Variants in HTR2C observed in about 807,000 individuals in gnomAD.
HTR2C encodes 5-hydroxytryptamine (serotonin) receptor 2C, G protein-coupled.
A neutral mutation model predicts 21.0 loss-of-function variants in HTR2C; 5 were observed. That is an observed-to-expected ratio of 0.24 (90% CI 0.12 to 0.50). The LOEUF (loss-of-function observed/expected upper bound fraction) is 0.50, where lower values mean the gene tolerates loss of function less well. Ranked by LOEUF, HTR2C falls within the 20% of genes least tolerant of loss-of-function variation. HTR2C has a pLI of 0.98. For missense variants in HTR2C, 271 were observed against 371.2 expected (o/e 0.73, Z 2.22); for synonymous variants, 150 against 145.3 (o/e 1.03, Z -0.23).
chrX:114,855,236 A>G (rs1454668317), intron 5 of HTR2C, among the ~76,000 whole-genome samples: 1 of 111,498 alleles, frequency 9.0e-6, no homozygotes, highest in Non-Finnish European at 1.9e-5. Context: ...ATTAAAATCC[A>G]CTAATGTATC....
chrX:114,902,294 A>T (rs1556485454), intron 5 of HTR2C, among the ~76,000 whole-genome samples: 1 of 111,549 alleles, frequency 9.0e-6, no homozygotes, highest in Non-Finnish European at 1.9e-5. Flanking sequence ...ACTCTCTAGC[A>T]CTTAAATAAC....
intron 2 of HTR2C, among the ~76,000 whole-genome samples, chrX:114,629,865 G>C (rs77445353): frequency 1.8e-5 from 2 of 110,961 alleles, no homozygotes; most frequent in Non-Finnish European, 3.8e-5. Context: ...AGTCAAGGGG[G>C]TATAGAGAAA....
At chrX:114,726,158 A>G (rs1176666499) in intron 2 of HTR2C, among the ~76,000 whole-genome samples, 4 of 112,292 alleles carry the variant, frequency 3.6e-5, no homozygotes, top group Non-Finnish European at 7.5e-5. Flanking sequence ...TGTGCTAGCA[A>G]TCAGTGAGAC....
intron 4 of HTR2C, among the ~76,000 whole-genome samples, chrX:114,745,402 C>T (rs1288586778): frequency 1.8e-5 from 2 of 111,580 alleles, no homozygotes; most frequent in Non-Finnish European, 3.8e-5. Context: ...GGAGGTTCCT[C>T]GATAAACTAA....
intron 5 of HTR2C, among the ~76,000 whole-genome samples, chrX:114,868,389 G>C (rs2071063744): frequency 9.1e-6 from 1 of 110,162 alleles, no homozygotes; most frequent in South Asian, 3.9e-4. Flanking sequence ...AAACATTGTG[G>C]ATGTCCCTTT....
intron 2 of HTR2C, among the ~76,000 whole-genome samples, chrX:114,726,268 A>G (rs781953919): frequency 8.9e-6 from 1 of 112,230 alleles, no homozygotes; most frequent in African/African-American, 3.2e-5. Flanking sequence ...GGTGGGAGTG[A>G]CCCGATTTTC....
At chrX:114,708,435 C>A (rs1286226645) in intron 2 of HTR2C, among the ~76,000 whole-genome samples, 5 of 111,747 alleles carry the variant, frequency 4.5e-5, no homozygotes. Context: ...CAATTAAAGT[C>A]AACTTATTCC....
intron 2 of HTR2C, among the ~76,000 whole-genome samples, chrX:114,636,226 A>G (rs1339962402): frequency 9.0e-6 from 1 of 110,832 alleles, no homozygotes; most frequent in Non-Finnish European, 1.9e-5. Flanking sequence ...AACAGCAAGG[A>G]ACTCTAGCAA....
intron 4 of HTR2C, among the ~76,000 whole-genome samples, chrX:114,743,640 A>G (rs1271570977): frequency 1.8e-5 from 2 of 111,475 alleles, no homozygotes; most frequent in African/African-American, 6.5e-5. Context: ...ATTACAGAAA[A>G]TTTGTGCCAT....
intron 4 of HTR2C, among the ~76,000 whole-genome samples, chrX:114,746,337 T>A (rs2069703703): frequency 9.0e-6 from 1 of 111,597 alleles, no homozygotes; most frequent in Non-Finnish European, 1.9e-5. Flanking sequence ...ATCAATTGCT[T>A]CATTAATATA....
At chrX:114,887,600 A>G (rs782428073) in intron 5 of HTR2C, among the ~76,000 whole-genome samples, 2 of 111,345 alleles carry the variant, frequency 1.8e-5, no homozygotes, top group Admixed American at 1.9e-4. Flanking sequence ...GAATGTGCTT[A>G]TGTTGCTTTT....
At chrX:114,677,427 GT>G (rs376118384) in intron 2 of HTR2C, among the ~76,000 whole-genome samples, 387 of 107,709 alleles carry the variant, frequency 3.6e-3, no homozygotes, top group African/African-American at 0.012. Context: ...TGAAATATTA[GT>G]TTTTTTTTTC....
At chrX:114,826,996 T>A (rs1206519510) in intron 4 of HTR2C, among the ~76,000 whole-genome samples, 1 of 60,639 alleles carries the variant, frequency 1.6e-5, no homozygotes, top group East Asian at 8.3e-4. Flanking sequence ...TTTTACTATA[T>A]TTCTTTGTAC....
intron 4 of HTR2C, among the ~76,000 whole-genome samples, chrX:114,825,583 C>T (rs2070671307): frequency 9.0e-6 from 1 of 111,373 alleles, no homozygotes; most frequent in Admixed American, 9.6e-5. Flanking sequence ...AGAATGTGTA[C>T]TTTCCTGTTG....
At chrX:114,733,067 G>T (rs1336098395) in intron 4 of HTR2C, among the ~76,000 whole-genome samples, 1 of 111,421 alleles carries the variant, frequency 9.0e-6, no homozygotes, top group Non-Finnish European at 1.9e-5. Flanking sequence ...AAGATAGCAT[G>T]AAATAAACTA....
At chrX:114,755,979 T>G (rs2069809059) in intron 4 of HTR2C, among the ~76,000 whole-genome samples, 1 of 108,564 alleles carries the variant, frequency 9.2e-6, no homozygotes, top group Admixed American at 1.0e-4. Context: ...AATGTGGGGG[T>G]GTGTGCCTGT....
intron 4 of HTR2C, among the ~76,000 whole-genome samples, chrX:114,744,788 G>C (rs2069686388): frequency 9.0e-6 from 1 of 111,618 alleles, no homozygotes; most frequent in Non-Finnish European, 1.9e-5. Flanking sequence ...TAATGAAATT[G>C]ACAAACTGCC....
At chrX:114,862,009 G>T (rs1483576000) in intron 5 of HTR2C, among the ~76,000 whole-genome samples, 1 of 109,757 alleles carries the variant, frequency 9.1e-6, no homozygotes, top group Non-Finnish European at 1.9e-5. Context: ...ATTTATTTTT[G>T]CTTTTGTAGC....
At chrX:114,775,757 T>A in intron 4 of HTR2C, 1 of 498,551 alleles carries the variant, frequency 2.0e-6, no homozygotes, top group Non-Finnish European at 3.4e-6. Context: ...CTTGGGGATA[T>A]GAGTATAACC....
Sources: gnomAD v4.1 joint callset for allele counts (sites outside exome capture counted in the v4.1 genomes callset) on GRCh38, gnomAD v4.1.1 for gene constraint, MANE v1.5 for transcripts, NCBI Gene and HGNC (gene_info 2026-07-23, HGNC 2026-07-21) for gene names.